ADGRG4: variants seen among roughly 807,000 people sequenced by gnomAD.
ADGRG4 encodes the protein G protein-coupled receptor 112.
Under a neutral mutation model 126.2 loss-of-function variants are expected in ADGRG4, and 122 were observed. The ratio of observed to expected loss-of-function variants is 0.97; its 90% confidence interval spans 0.83 to 1.12. The LOEUF is 1.12. Ranked by LOEUF, ADGRG4 falls within the 50% of genes most tolerant of loss-of-function variation. The probability of loss-of-function intolerance (pLI) is 0.00; values close to 1 mark genes in which losing one functional copy is unlikely to be tolerated. For missense variants in ADGRG4, 2,481 were observed against 2,251.8 expected, an observed-to-expected ratio of 1.10 and a Z score of -2.06; for synonymous variants, 943 against 838.7, an observed-to-expected ratio of 1.12 and a Z score of -2.15.
intron 23 of ADGRG4, among the ~76,000 whole-genome samples, chrX:136,411,547 G>A (rs2148502800): frequency 8.9e-6 from 1 of 112,803 alleles, no homozygotes; most frequent in South Asian, 3.6e-4. Flanking sequence ...ATGTGTAATA[G>A]TTATTTATTG....
At chrX:136,383,985 G>A (rs1244072328) in intron 15 of ADGRG4, among the ~76,000 whole-genome samples, 2 of 108,856 alleles carry the variant, frequency 1.8e-5, no homozygotes, top group East Asian at 5.7e-4. Flanking sequence ...TCTGCCTCTC[G>A]GGTTCAAGCG....
intron 4 of ADGRG4, among the ~76,000 whole-genome samples, chrX:136,316,393 A>G (rs76745654): frequency 1.9e-5 from 2 of 103,390 alleles, no homozygotes; most frequent in Non-Finnish European, 4.0e-5. Context: ...GATTTTGCTG[A>G]AAAAAAAAAA....
At position 136,397,938 on chromosome X, in the gene ADGRG4, T is replaced by G; in HGVS notation, c.8242T>G (p.Tyr2748Asp). The G allele has an allele frequency of 1.7e-6, 2 of 1,197,079 alleles. No homozygotes were observed. The highest frequency in any genetic ancestry group is 2.3e-6 in the Non-Finnish European group (2 of 882,068). The change falls in exon 20 of 26, where the codon TAC becomes GAC. Residue 2748 changes from tyrosine to aspartate, a missense_variant. Tyr to Asp is a radical substitution (Grantham distance 160). Transcript: ENST00000394143. ...TGAACAGATATTAGCGCTTATAACATACACCGGATGTGGAATCTCCTCCAT... is the reference window on the plus strand; with the variant it reads ...TGAACAGATATTAGCGCTTATAACAGACACCGGATGTGGAATCTCCTCCAT... The part of the protein sequence containing the change: ...VNEQILALIT[Y>D]TGCGISSIFL...
At chrX:136,373,109 T>C in intron 15 of ADGRG4, 45 bp downstream of exon 15, 3 of 1,092,780 alleles carry the variant, frequency 2.7e-6, no homozygotes, top group Non-Finnish European at 3.7e-6. Context: ...CCAAGCACTG[T>C]TTCAGGTCTT....
At chrX:136,310,353 G>A (rs1204790048) in intron 4 of ADGRG4, among the ~76,000 whole-genome samples, 2 of 110,654 alleles carry the variant, frequency 1.8e-5, no homozygotes, top group Non-Finnish European at 3.8e-5. Context: ...TAGATGTGCA[G>A]GTCCTCAACC....
At chrX:136,361,980 A>G (rs2075131600) in intron 12 of ADGRG4, among the ~76,000 whole-genome samples, 1 of 112,085 alleles carries the variant, frequency 8.9e-6, no homozygotes, top group South Asian at 3.8e-4. Flanking sequence ...ATTTCATTCA[A>G]TGGTTTATCA....
In ADGRG4 at chrX:136,395,436, A is replaced by T; in HGVS notation, c.8127A>T (p.Thr2709=). The T allele has an allele frequency of 8.3e-7, 1 of 1,205,657 alleles. No individual in the cohort carries two copies. The highest frequency in any genetic ancestry group is 1.1e-6 in the Non-Finnish European group (1 of 890,198). Residue 2709 remains threonine (T), a synonymous_variant, in exon 19 of 26, where the codon ACA becomes ACT. Transcript: ENST00000394143. ...CGTCAGGCTGTAAAGTAAAGGAAACAAATGTAAATTACACAATCTGTCAGT... is the reference window on the plus strand; with the variant it reads ...CGTCAGGCTGTAAAGTAAAGGAAACTAATGTAAATTACACAATCTGTCAGT... The part of the protein sequence containing the change: ...WNSSGCKVKE[T]NVNYTICQCD...
intron 15 of ADGRG4, among the ~76,000 whole-genome samples, chrX:136,386,093 C>T (rs950744480): frequency 2.1e-4 from 24 of 112,149 alleles, no homozygotes; most frequent in Admixed American, 1.7e-3. Flanking sequence ...GATGTAAAAA[C>T]GGGTACCCCA....
intron 14 of ADGRG4, among the ~76,000 whole-genome samples, chrX:136,372,052 G>A (rs2075197836): frequency 8.9e-6 from 1 of 111,767 alleles, no homozygotes; most frequent in Admixed American, 9.5e-5. Flanking sequence ...GTGAAAGGAT[G>A]TATTCAAATT....
Position 136,350,222 on chromosome X carries a change from G to T in ADGRG4, c.6516G>T (p.Lys2172Asn), listed in dbSNP as rs145864422. 74 of 1,204,207 alleles carry T rather than the reference G, an allele frequency of 6.1e-5. No homozygotes were observed. Among genetic ancestry groups the T allele is most frequent in the Non-Finnish European group, 7.4e-5 (66 of 890,168 alleles). The change falls in exon 6 of 26, where the codon AAG (lysine) becomes AAT (asparagine). Residue 2172 changes from lysine to asparagine, a missense_variant. Lys to Asn is a moderately conservative substitution (Grantham distance 94, BLOSUM62 0). Transcript: ENST00000394143. ...ASSPSTLIIP[K>N]PTLDSLLNIM... Reference sequence around the variant, plus strand: ...CACCCTCTACTTTAATTATTCCTAAGCCCACACTGGACTCCCTTCTAAATA... The same window carrying T: ...CACCCTCTACTTTAATTATTCCTAATCCCACACTGGACTCCCTTCTAAATA...
At chrX:136,330,920 T>C (rs1286879694) in intron 5 of ADGRG4, among the ~76,000 whole-genome samples, 2 of 111,123 alleles carry the variant, frequency 1.8e-5, no homozygotes, top group East Asian at 5.6e-4. Context: ...TAATAGTAGG[T>C]CTTAATAGTA....
intron 23 of ADGRG4, 127 bp downstream of exon 23, chrX:136,406,099 C>G (rs2075407934): frequency 2.8e-6 from 2 of 708,067 alleles, no homozygotes; most frequent in East Asian, 3.3e-5. Context: ...GCACCCACAG[C>G]CCACTCTCTC....
Position 136,372,949 on chromosome X carries a change from G to A in ADGRG4, c.7661G>A (p.Gly2554Glu). The A allele has an allele frequency of 8.3e-7, 1 of 1,211,020 alleles. No homozygotes were observed. The change falls in exon 15 of 26, where the codon GGG becomes GAG. Residue 2554 changes from glycine to glutamate, a missense_variant. Physicochemically the swap from Gly to Glu is moderately conservative, Grantham distance 98. Transcript: ENST00000394143. ...ACTGGTCACAAGATGGAGTTTTCTG[G>A]GCAGATAGCAAATCTGACGGTGGCC... ...ERTGHKMEFS[G>E]QIANLTVAGL...
At chrX:136,323,556 A>G (rs1296005892) in intron 5 of ADGRG4, among the ~76,000 whole-genome samples, 164 bp downstream of exon 5, 1 of 101,919 alleles carries the variant, frequency 9.8e-6, no homozygotes, top group Non-Finnish European at 2.0e-5. Context: ...TTATAGAAAG[A>G]TTGGAAGAAT....
In ADGRG4 at chrX:136,347,999, C is replaced by T. The variant is rs748673993; in HGVS notation, c.4293C>T (p.Asp1431=). The change falls in exon 6 of 26, where the codon GAC becomes GAT. Residue 1431 remains aspartate (D), a synonymous_variant. Transcript: ENST00000394143. ...CAACAAGGATATCAAATCCTATGGA[C>T]ATCAATACAACTTTTTCACACTTGC... ...SSSTRISNPM[D]INTTFSHLHS... 7 of 1,208,999 alleles carry T rather than the reference C, an allele frequency of 5.8e-6. No individual in the cohort carries two copies. The highest frequency in any genetic ancestry group is 7.8e-6 in the Non-Finnish European group (7 of 894,232).
At chrX:136,379,698 T>G (rs1004718103) in intron 15 of ADGRG4, among the ~76,000 whole-genome samples, 18 of 110,500 alleles carry the variant, frequency 1.6e-4, no homozygotes, top group Non-Finnish European at 3.0e-4. Context: ...ACCATATGTC[T>G]GCAGAACGTT....
chrX:136,363,627 A>G (rs2075141319), intron 13 of ADGRG4, 32 bp downstream of exon 13: 2 of 934,925 alleles, frequency 2.1e-6, no homozygotes, highest in African/African-American at 3.8e-5. Context: ...AAGACAAATT[A>G]TGGAACTTCA....
intron 4 of ADGRG4, among the ~76,000 whole-genome samples, chrX:136,319,423 A>G (rs2074824747): frequency 8.9e-6 from 1 of 112,239 alleles, no homozygotes; most frequent in African/African-American, 3.2e-5. Context: ...TCATGGCCCT[A>G]TGAGGTAGGC....
chrX:136,320,962 G>A (rs1262012000), intron 4 of ADGRG4, among the ~76,000 whole-genome samples: 2 of 110,921 alleles, frequency 1.8e-5, no homozygotes, highest in Non-Finnish European at 3.8e-5. Flanking sequence ...CTGCAGAGAG[G>A]AGAGGCCCTT....
Sources: gnomAD v4.1 joint callset for allele counts (sites outside exome capture counted in the v4.1 genomes callset) on GRCh38, gnomAD v4.1.1 for gene constraint, MANE v1.5 for transcripts, NCBI Gene and HGNC (gene_info 2026-07-23, HGNC 2026-07-21) for gene names.